Variants in CATSPERB observed in about 807,000 individuals in gnomAD.
CATSPERB encodes the protein cation channel sperm-associated auxiliary subunit beta.
A neutral mutation model predicts 128.3 loss-of-function variants in CATSPERB; 93 were observed. The observed-to-expected ratio is 0.72, with a 90% CI of 0.61 to 0.86. The LOEUF (loss-of-function observed/expected upper bound fraction) is 0.86. Ranked by LOEUF, CATSPERB falls within the 40% of genes least tolerant of loss-of-function variation. CATSPERB has a pLI of 0.00. For missense variants in CATSPERB, 1,153 were observed against 1,329.5 expected (o/e 0.87, Z 2.06); for synonymous variants, 381 against 448.8 (o/e 0.85, Z 1.91).
Position 91,723,175 on chromosome 14 carries a change from G to T in CATSPERB, c.183C>A (p.Phe61Leu). 1 of 1,449,450 alleles carries T rather than the reference G, an allele frequency of 6.9e-7. No homozygotes were observed. Among genetic ancestry groups the T allele is most frequent in the Non-Finnish European group, 9.1e-7 (1 of 1,101,400 alleles). 89.8% of individuals were successfully genotyped at this position (1,449,450 alleles called of 1,614,324 possible). Reference sequence around the variant, plus strand: ...ATGCAATTTCATTTTCAGTTTGGAAGAAACACTGGATTTTCTTTAGGAAAG... The same window carrying T: ...ATGCAATTTCATTTTCAGTTTGGAATAAACACTGGATTTTCTTTAGGAAAG... ...LFLENLKIQC[F>L]FQTENEIASK... The change falls in exon 4 of 27, where the codon TTC becomes TTA. Residue 61 changes from phenylalanine to leucine, a missense_variant. Phe to Leu is a conservative substitution (Grantham distance 22). Coordinates refer to ENST00000256343, the MANE Select transcript of CATSPERB (RefSeq NM_024764.4).
At chr14:91,624,385 G>A (rs542692699) in intron 18 of CATSPERB, among the ~76,000 whole-genome samples, 1 of 152,274 alleles carries the variant, frequency 6.6e-6, no homozygotes, top group Admixed American at 6.5e-5. Flanking sequence ...TCGGGAGGCT[G>A]AGGCAGGAGA....
intron 15 of CATSPERB, among the ~76,000 whole-genome samples, chr14:91,654,490 G>A (rs1478217619): frequency 1.3e-5 from 2 of 152,220 alleles, no homozygotes; most frequent in Non-Finnish European, 2.9e-5. Flanking sequence ...TGGGCTTGGG[G>A]TGGTGGTGGC....
At chr14:91,702,295 A>G (rs979434000) in intron 7 of CATSPERB, among the ~76,000 whole-genome samples, 1 of 151,838 alleles carries the variant, frequency 6.6e-6, no homozygotes, top group Non-Finnish European at 1.5e-5. Flanking sequence ...CTGGATTGAC[A>G]TAGTGTAGAA....
Position 91,612,047 on chromosome 14 carries a change from TCTTTCTTTCTTTCTTTCTTC to T in CATSPERB, c.2401-1390_2401-1371del, listed in dbSNP as rs1328830932. On this transcript the variant is annotated intron_variant, in intron 20 of 26. Transcript: ENST00000256343. ...TTCTTTCTTTCTTTCTTTCTTTCTT[TCTTTCTTTCTTTCTTTCTTC>T]CTTTTTTTAAGAGATGAGATCGCGC... is the stretch of plus-strand genomic sequence containing the variant. 8.3e-3 allele frequency among the ~76,000 whole-genome samples: 952 copies of T among 115,166 alleles called. 5 individuals are homozygous for T. The highest frequency in any genetic ancestry group is 0.02 in the South Asian group (68 of 3,442). The allele number at this position is 115,166 out of a possible 152,430, so 75.6% of individuals were successfully genotyped here.
intron 16 of CATSPERB, 56 bp from the exon 17 acceptor site, chr14:91,636,635 A>T: frequency 5.0e-6 from 7 of 1,400,978 alleles, no homozygotes; most frequent in Non-Finnish European, 6.8e-6. Flanking sequence ...TTCAATTATG[A>T]CAAAATTGAA....
At chr14:91,713,060 T>C (rs1406084517) in intron 5 of CATSPERB, among the ~76,000 whole-genome samples, 1 of 152,222 alleles carries the variant, frequency 6.6e-6, no homozygotes, top group African/African-American at 2.4e-5. Flanking sequence ...AAAGAGTTTG[T>C]AAAGGGTCAG....
chr14:91,588,181 A>C (rs1893336873), intron 24 of CATSPERB, 103 bp from the exon 25 acceptor site: 2 of 689,248 alleles, frequency 2.9e-6, no homozygotes, highest in Admixed American at 2.8e-5. Context: ...TTAATTTACT[A>C]TTACTATTTC....
intron 15 of CATSPERB, among the ~76,000 whole-genome samples, chr14:91,642,753 T>G (rs1894520191): frequency 7.1e-6 from 1 of 140,224 alleles, no homozygotes; most frequent in African/African-American, 2.7e-5. Context: ...TCCCTCTTTT[T>G]CTATTGATTG....
At chr14:91,706,869 T>C (rs1895741409) in intron 6 of CATSPERB, among the ~76,000 whole-genome samples, 1 of 152,008 alleles carries the variant, frequency 6.6e-6, no homozygotes, top group Non-Finnish European at 1.5e-5. Context: ...CAAAATCTAT[T>C]CTGAAGGCTC....
chr14:91,587,380 T>A, intron 25 of CATSPERB, 104 bp from the exon 26 acceptor site: 1 of 661,332 alleles, frequency 1.5e-6, no homozygotes, highest in Non-Finnish European at 2.4e-6. Flanking sequence ...AGATGCTGCA[T>A]GAAAAGATTC....
chr14:91,682,442 G>A (rs996798848), intron 11 of CATSPERB, among the ~76,000 whole-genome samples: 5 of 152,118 alleles, frequency 3.3e-5, no homozygotes, highest in Admixed American at 2.6e-4. Flanking sequence ...ACATGGGATG[G>A]TTACCTCCCC....
At chr14:91,694,618 TC>T (rs1895529480) in intron 7 of CATSPERB, among the ~76,000 whole-genome samples, 1 of 151,970 alleles carries the variant, frequency 6.6e-6, no homozygotes, top group African/African-American at 2.4e-5. Flanking sequence ...TTTTAAAAAC[TC>T]CAAAGAAGAA....
chr14:91,630,534 A>G (rs559980144), intron 17 of CATSPERB, among the ~76,000 whole-genome samples: 4 of 152,324 alleles, frequency 2.6e-5, no homozygotes, highest in Admixed American at 1.3e-4. Context: ...CGTCTCGGAA[A>G]ATGGCGGTAG....
At chr14:91,698,849 C>A (rs1404756015) in intron 7 of CATSPERB, among the ~76,000 whole-genome samples, 1 of 152,132 alleles carries the variant, frequency 6.6e-6, no homozygotes, top group Admixed American at 6.5e-5. Flanking sequence ...TTATCCCTAG[C>A]TCCCTCCCAA....
At chr14:91,730,897 A>AT (rs2139787137) in intron 1 of CATSPERB, among the ~76,000 whole-genome samples, 1 of 152,298 alleles carries the variant, frequency 6.6e-6, no homozygotes, top group South Asian at 2.1e-4. Flanking sequence ...TTTTTAGTGC[A>AT]TTTTTAAAAA....
At position 91,636,422 on chromosome 14, in the gene CATSPERB, T is replaced by C. The variant is rs1894375945; in HGVS notation, c.1742+3A>G. On this transcript the variant is annotated splice_donor_region_variant and intron_variant, in intron 17 of 26. Coordinates refer to ENST00000256343, the MANE Select transcript of CATSPERB (RefSeq NM_024764.4). ...TGCCATCTAAATAAATGCATATCAC[T>C]ACCCAGAGTGTATCACTTTTCCATA... 1 of 1,612,604 alleles carries C rather than the reference T, an allele frequency of 6.2e-7. No individual in the cohort carries two copies. Among genetic ancestry groups the C allele is most frequent in the African/African-American group, 1.3e-5 (1 of 74,856 alleles).
At chr14:91,639,041 A>G in intron 16 of CATSPERB, 55 bp downstream of exon 16, 2 of 1,424,036 alleles carry the variant, frequency 1.4e-6, no homozygotes, top group Non-Finnish European at 9.8e-7. Flanking sequence ...TATGTATTGA[A>G]TGTGGCATCT....
chr14:91,595,510 C>T (rs1015031957), intron 22 of CATSPERB, among the ~76,000 whole-genome samples: 7 of 151,994 alleles, frequency 4.6e-5, no homozygotes, highest in African/African-American at 1.2e-4. Context: ...TGGATTTGTG[C>T]CGTCAAATAT....
intron 11 of CATSPERB, among the ~76,000 whole-genome samples, chr14:91,682,511 G>A (rs2099152385): frequency 6.6e-6 from 1 of 152,130 alleles, no homozygotes; most frequent in African/African-American, 2.4e-5. Context: ...TAGCAAAACA[G>A]CTCCTTCTCA....
Sources: gnomAD v4.1 joint callset for allele counts (sites outside exome capture counted in the v4.1 genomes callset) on GRCh38, gnomAD v4.1.1 for gene constraint, MANE v1.5 for transcripts, NCBI Gene and HGNC (gene_info 2026-07-23, HGNC 2026-07-21) for gene names.